The following TRPM3 variants were observed in gnomAD, a reference collection of about 807,000 sequenced individuals.
TRPM3 encodes the protein long transient receptor potential channel 3.
TRPM3 carries 77 observed loss-of-function variants against 181.2 expected under a neutral mutation model. The ratio of observed to expected loss-of-function variants is 0.42; its 90% confidence interval spans 0.35 to 0.51. The LOEUF is 0.51. Among genes scored for constraint, TRPM3 ranks in the 20% least tolerant of loss-of-function variants. TRPM3 has a pLI of 0.01. For missense variants in TRPM3, 1,759 were observed against 2,196.7 expected, an observed-to-expected ratio of 0.80 and a Z score of 3.98; for synonymous variants, 745 against 796.4, an observed-to-expected ratio of 0.94 and a Z score of 1.09.
intron 1 of TRPM3, among the ~76,000 whole-genome samples, chr9:70,999,633 T>G (rs1026381097): frequency 1.3e-5 from 2 of 152,234 alleles, no homozygotes; most frequent in Non-Finnish European, 2.9e-5. Context: ...CTGGCATACT[T>G]TAATTGCCAT....
intron 1 of TRPM3, among the ~76,000 whole-genome samples, chr9:71,136,768 G>A (rs2074791485): frequency 2.0e-5 from 3 of 152,288 alleles, no homozygotes; most frequent in Middle Eastern, 3.4e-3. Flanking sequence ...TTCAGCCACA[G>A]AAGTAAGAGA....
chr9:70,681,030 C>T (rs1175627359), intron 9 of TRPM3, among the ~76,000 whole-genome samples: 1 of 151,784 alleles, frequency 6.6e-6, no homozygotes, highest in Non-Finnish European at 1.5e-5. Context: ...AAGTACAGTA[C>T]CATAATTTTT....
intron 6 of TRPM3, among the ~76,000 whole-genome samples, chr9:70,823,853 G>C (rs1179780919): frequency 6.6e-6 from 1 of 152,236 alleles, no homozygotes; most frequent in Non-Finnish European, 1.5e-5. Flanking sequence ...AGATGGAAGA[G>C]CATTGTGAGG....
At chr9:70,673,468 T>C (rs2134110985) in intron 9 of TRPM3, among the ~76,000 whole-genome samples, 1 of 152,322 alleles carries the variant, frequency 6.6e-6, no homozygotes, top group East Asian at 1.9e-4. Flanking sequence ...CCTTACCTGG[T>C]GTGTTTAGTC....
chr9:70,746,539 A>G (rs1419521430), intron 8 of TRPM3, among the ~76,000 whole-genome samples: 2 of 152,290 alleles, frequency 1.3e-5, no homozygotes, highest in East Asian at 3.9e-4. Context: ...GTCTAAGGGA[A>G]AGTCGTCAGC....
intron 1 of TRPM3, among the ~76,000 whole-genome samples, chr9:71,338,025 T>TAC (rs569193340): frequency 2.0e-5 from 3 of 151,698 alleles, no homozygotes; most frequent in Admixed American, 6.6e-5. Flanking sequence ...GGCACATGTA[T>TAC]ACCTACGTAA....
chr9:70,784,276 A>AT lies in TRPM3; in HGVS notation c.976dup (p.Ile326AsnfsTer38). The AT allele has an allele frequency of 6.3e-7, 1 of 1,578,166 alleles. No individual in the cohort carries two copies. The highest frequency in any genetic ancestry group is 1.2e-5 in the South Asian group (1 of 86,246). ...TGCCACCACAGGAACACCTTGACCG[A>AT]TTCCTGCATTAAAAAAGGAAAAGAA... is the stretch of plus-strand genomic sequence containing the variant. On this transcript the variant is annotated frameshift_variant, in exon 7 of 26. Coordinates refer to ENST00000677713, the MANE Select transcript of TRPM3 (RefSeq NM_001366145.2). LOFTEE classifies it high-confidence loss of function.
intron 1 of TRPM3, among the ~76,000 whole-genome samples, chr9:71,275,052 C>G (rs1504381): frequency 4.6e-5 from 7 of 151,622 alleles, no homozygotes; most frequent in Non-Finnish European, 1.0e-4. Context: ...TCCTAGCCAA[C>G]ATAGTAAGGC....
chr9:71,128,123 G>A (rs1329745), intron 1 of TRPM3, among the ~76,000 whole-genome samples: 69 of 152,156 alleles, frequency 4.5e-4, no homozygotes, highest in African/African-American at 1.5e-3. Flanking sequence ...CACATGAGAA[G>A]AGACCCACCT....
chr9:71,112,974 G>C (rs966362634), intron 1 of TRPM3, among the ~76,000 whole-genome samples: 1 of 152,156 alleles, frequency 6.6e-6, no homozygotes, highest in Non-Finnish European at 1.5e-5. Context: ...TCCATGATTT[G>C]AGGAGGGGAA....
chr9:71,046,131 C>T lies in TRPM3; in HGVS notation c.177+75047G>A, dbSNP rs564257786. ...TCAGCCTCCCGAGTAGCTGCAATTA[C>T]AAGCGCCCCACGCCCGGCTAATTTT... is the stretch of plus-strand genomic sequence containing the variant. On this transcript the variant is annotated intron_variant, in intron 1 of 25. Coordinates refer to ENST00000677713, the MANE Select transcript of TRPM3 (RefSeq NM_001366145.2). Among the ~76,000 whole-genome samples, 143 of 152,142 alleles carry T rather than the reference C, an allele frequency of 9.4e-4. 1 individual carries two copies. Among genetic ancestry groups the T allele is most frequent in the African/African-American group, 3.3e-3 (136 of 41,490 alleles).
intron 1 of TRPM3, among the ~76,000 whole-genome samples, chr9:70,995,591 C>T (rs2097534566): frequency 6.6e-6 from 1 of 152,022 alleles, no homozygotes; most frequent in Non-Finnish European, 1.5e-5. Context: ...TCCCATTAGG[C>T]TGTGGCACAA....
intron 21 of TRPM3, among the ~76,000 whole-genome samples, chr9:70,597,260 C>T (rs1322044748): frequency 6.6e-6 from 1 of 151,932 alleles, no homozygotes; most frequent in Non-Finnish European, 1.5e-5. Flanking sequence ...TTTGTATCAC[C>T]AGTGTCTCAC....
intron 22 of TRPM3, among the ~76,000 whole-genome samples, chr9:70,588,788 C>T (rs549524674): frequency 1.3e-5 from 2 of 152,208 alleles, no homozygotes; most frequent in Admixed American, 6.5e-5. Context: ...AGGGCAGTCA[C>T]CCAATCCCCA....
chr9:71,371,269 C>T (rs754085608), intron 1 of TRPM3, among the ~76,000 whole-genome samples: 33 of 152,120 alleles, frequency 2.2e-4, no homozygotes, highest in Non-Finnish European at 4.1e-4. Context: ...TCGATAACTG[C>T]CACAGATTGT....
chr9:70,632,294 T>G (rs981381074), intron 12 of TRPM3, among the ~76,000 whole-genome samples: 3 of 152,270 alleles, frequency 2.0e-5, no homozygotes, highest in African/African-American at 7.2e-5. Context: ...CTGAGAAAGT[T>G]GTGCACCAAT....
intron 1 of TRPM3, among the ~76,000 whole-genome samples, chr9:71,164,043 C>T (rs1244870784): frequency 6.6e-6 from 1 of 152,108 alleles, no homozygotes; most frequent in African/African-American, 2.4e-5. Context: ...GCAACAGATG[C>T]TAATGAGCGT....
chr9:70,895,022 T>G (rs1272075865), intron 1 of TRPM3, among the ~76,000 whole-genome samples: 1 of 152,174 alleles, frequency 6.6e-6, no homozygotes, highest in Non-Finnish European at 1.5e-5. Flanking sequence ...GAGCTTGTAT[T>G]TCTTCATCAG....
intron 20 of TRPM3, 140 bp downstream of exon 20, chr9:70,603,202 G>C (rs1361916673): frequency 2.0e-6 from 2 of 1,014,782 alleles, no homozygotes; most frequent in Admixed American, 5.3e-5. Context: ...TGTCAGAGGA[G>C]CAAAGAAGCA....
Sources: gnomAD v4.1 joint callset for allele counts (sites outside exome capture counted in the v4.1 genomes callset) on GRCh38, gnomAD v4.1.1 for gene constraint, MANE v1.5 for transcripts, NCBI Gene and HGNC (gene_info 2026-07-23, HGNC 2026-07-21) for gene names.